The following ADAMTSL1 variants were observed in gnomAD, a reference collection of about 807,000 sequenced individuals.
ADAMTSL1 encodes ADAMTS like 1.
In ADAMTSL1, 126 loss-of-function variants were observed where a neutral mutation model predicts 201.8. The observed-to-expected ratio is 0.62, with a 90% confidence interval of 0.54 to 0.72. The LOEUF (loss-of-function observed/expected upper bound fraction) is 0.72. Among genes scored for constraint, ADAMTSL1 ranks in the 30% least tolerant of loss-of-function variants. The probability of loss-of-function intolerance (pLI) is 0.00; values close to 1 mark genes in which losing one functional copy is unlikely to be tolerated. For synonymous variants in ADAMTSL1, 1,121 were observed against 903.4 expected, an observed-to-expected ratio of 1.24 and a Z score of -4.32; for missense variants, 2,679 against 2,277.8, an observed-to-expected ratio of 1.18 and a Z score of -3.59.
chr9:18,746,765 A>G (rs942271111), intron 15 of ADAMTSL1, among the ~76,000 whole-genome samples: 5 of 130,642 alleles, frequency 3.8e-5, no homozygotes, highest in Non-Finnish European at 8.4e-5. Flanking sequence ...GCCCTTGTCC[A>G]AAGGAAGGCA....
intron 13 of ADAMTSL1, 139 bp downstream of exon 13, chr9:18,684,939 G>A: frequency 7.1e-7 from 1 of 1,402,846 alleles, no homozygotes; most frequent in Non-Finnish European, 9.3e-7. Flanking sequence ...TCAAATTAAA[G>A]ATTGATTAGT....
intron 8 of ADAMTSL1, among the ~76,000 whole-genome samples, chr9:18,658,369 C>G (rs954942310): frequency 5.3e-5 from 8 of 152,156 alleles, no homozygotes; most frequent in African/African-American, 1.9e-4. Flanking sequence ...GCAGGCAGGT[C>G]CATTCACTTA....
intron 2 of ADAMTSL1, among the ~76,000 whole-genome samples, chr9:18,291,716 T>TTCTCTCTCTCTC (rs766379106): frequency 8.7e-6 from 1 of 114,578 alleles, no homozygotes; most frequent in Non-Finnish European, 1.8e-5. Context: ...CTCTCTCTCT[T>TTCTCTCTCTCTC]TCTCTCTCTC....
intron 9 of ADAMTSL1, among the ~76,000 whole-genome samples, chr9:18,667,285 C>CA (rs565825296): frequency 6.1e-5 from 9 of 147,682 alleles, no homozygotes; most frequent in Non-Finnish European, 7.5e-5. Context: ...GGCCAGGAAC[C>CA]AAAAAAAAAG....
At chr9:17,929,088 A>G (rs927610524) in intron 1 of ADAMTSL1, among the ~76,000 whole-genome samples, 1 of 152,160 alleles carries the variant, frequency 6.6e-6, no homozygotes, top group Non-Finnish European at 1.5e-5. Context: ...AATTAACCAT[A>G]ATTTTAAAAC....
chr9:18,594,590 C>A (rs1387015489), intron 4 of ADAMTSL1, among the ~76,000 whole-genome samples: 2 of 152,130 alleles, frequency 1.3e-5, no homozygotes, highest in Non-Finnish European at 2.9e-5. Context: ...TTTGATTAAT[C>A]CAGCTGTTTA....
chr9:18,650,126 C>T (rs116160267), intron 7 of ADAMTSL1, among the ~76,000 whole-genome samples: 4 of 152,222 alleles, frequency 2.6e-5, no homozygotes, highest in Non-Finnish European at 4.4e-5. Flanking sequence ...TCGCTGCCGC[C>T]TTGCAGTTTG....
chr9:18,238,550 G>A (rs1216334574), intron 2 of ADAMTSL1, among the ~76,000 whole-genome samples: 3 of 152,050 alleles, frequency 2.0e-5, no homozygotes, highest in Non-Finnish European at 2.9e-5. Context: ...CTAGAATGGC[G>A]TCATTAGGAA....
chr9:18,420,717 G>A (rs1181236992), intron 2 of ADAMTSL1, among the ~76,000 whole-genome samples: 3 of 152,202 alleles, frequency 2.0e-5, no homozygotes, highest in Non-Finnish European at 4.4e-5. Context: ...CAGCACATGG[G>A]AAGCTCTTTA....
intron 2 of ADAMTSL1, among the ~76,000 whole-genome samples, chr9:18,331,440 G>T (rs1212068002): frequency 6.6e-6 from 1 of 152,162 alleles, no homozygotes; most frequent in African/African-American, 2.4e-5. Flanking sequence ...TGGATATACT[G>T]CAGGGTAAAA....
At chr9:18,409,733 A>C (rs1464003628) in intron 2 of ADAMTSL1, among the ~76,000 whole-genome samples, 1 of 150,654 alleles carries the variant, frequency 6.6e-6, no homozygotes, top group African/African-American at 2.4e-5. Flanking sequence ...GTATACATAT[A>C]AGTATCATGT....
chr9:18,716,447 C>G (rs913407494), intron 14 of ADAMTSL1, among the ~76,000 whole-genome samples: 3 of 152,136 alleles, frequency 2.0e-5, no homozygotes, highest in Non-Finnish European at 4.4e-5. Context: ...ACAGACTTCT[C>G]AAAAGAAGAC....
chr9:18,395,454 A>G (rs1563932461), intron 2 of ADAMTSL1, among the ~76,000 whole-genome samples: 1 of 152,238 alleles, frequency 6.6e-6, no homozygotes, highest in Non-Finnish European at 1.5e-5. Flanking sequence ...GGGATCATTT[A>G]GAGACAGGAC....
chr9:18,072,372 G>C (rs1823008530), intron 1 of ADAMTSL1, among the ~76,000 whole-genome samples: 1 of 152,112 alleles, frequency 6.6e-6, no homozygotes, highest in African/African-American at 2.4e-5. Flanking sequence ...TCCATGCCTG[G>C]AGAGTGCTAC....
rs573231384 is a variant in ADAMTSL1, at chr9:18,386,203, C to T, written c.208-118626C>T. The stretch of plus-strand genomic sequence containing the variant: ...GAGTGCTGAAGAATGTTATTTTAAA[C>T]GAACTTGAAAATATACTGTTGGTTC... On this transcript the variant is annotated intron_variant, in intron 2 of 29. Coordinates refer to the ADAMTSL1 transcript ENST00000680146. Among the ~76,000 whole-genome samples the T allele has an allele frequency of 1.3e-3, 203 of 152,178 alleles. 8 individuals carry two copies. In the South Asian group the frequency reaches 0.04, roughly 30 times the overall value.
chr9:18,421,746 G>GTC (rs1240101329), intron 2 of ADAMTSL1, among the ~76,000 whole-genome samples: 1 of 152,108 alleles, frequency 6.6e-6, no homozygotes, highest in Non-Finnish European at 1.5e-5. Context: ...ATAATAACTT[G>GTC]TAAGAACTTT....
At chr9:18,557,696 G>A (rs772582426) in intron 3 of ADAMTSL1, among the ~76,000 whole-genome samples, 40 of 152,070 alleles carry the variant, frequency 2.6e-4, no homozygotes, top group Middle Eastern at 3.4e-3. Flanking sequence ...TTCTACAAGC[G>A]GTCCATCATG....
At chr9:17,948,242 G>GC (rs1352987299) in intron 1 of ADAMTSL1, among the ~76,000 whole-genome samples, 11 of 152,158 alleles carry the variant, frequency 7.2e-5, no homozygotes, top group African/African-American at 2.7e-4. Flanking sequence ...AACCACTGTA[G>GC]CAAGAGTGTT....
At chr9:18,122,743 T>C (rs984753025) in intron 1 of ADAMTSL1, among the ~76,000 whole-genome samples, 16 of 152,182 alleles carry the variant, frequency 1.1e-4, no homozygotes, top group African/African-American at 3.6e-4. Context: ...TAATTCTGTC[T>C]GGAAGAAGCT....
Sources: gnomAD v4.1 joint callset for allele counts (sites outside exome capture counted in the v4.1 genomes callset) on GRCh38, gnomAD v4.1.1 for gene constraint, MANE v1.5 for transcripts, NCBI Gene and HGNC (gene_info 2026-07-23, HGNC 2026-07-21) for gene names.